The following BTBD9 variants were observed in gnomAD, a reference collection of about 807,000 sequenced individuals.
BTBD9 encodes the protein BTB/POZ domain-containing protein 9.
Under a neutral mutation model 64.3 loss-of-function variants are expected in BTBD9, and 49 were observed. The observed-to-expected ratio is 0.76, with a 90% CI of 0.61 to 0.97. The LOEUF (loss-of-function observed/expected upper bound fraction) is 0.97. Ranked by LOEUF, BTBD9 falls within the 50% of genes least tolerant of loss-of-function variation. BTBD9 has a pLI of 0.00. For missense variants in BTBD9, 598 were observed against 762.1 expected, an observed-to-expected ratio of 0.78 and a Z score of 2.53; for synonymous variants, 260 against 274.7, an observed-to-expected ratio of 0.95 and a Z score of 0.53.
chr6:38,534,474 T>TG (rs1185935960), intron 6 of BTBD9, among the ~76,000 whole-genome samples: 3 of 97,350 alleles, frequency 3.1e-5, no homozygotes, highest in Non-Finnish European at 6.2e-5. Context: ...CTCAAACTGT[T>TG]CAAAAAAAAA....
rs115444606 is a variant in BTBD9, at chr6:38,294,060, A to G, written c.1265-5599T>C. Among the ~76,000 whole-genome samples, 221 of 152,282 alleles carry G rather than the reference A, an allele frequency of 1.5e-3. 1 individual carries two copies. Among genetic ancestry groups the G allele is most frequent in the Admixed American group, 3.9e-3 (59 of 15,300 alleles). ...AGAAGACATTTATGCCAACAAACGT[A>G]TGAAAAAAAGCTCAACATCACTGGC... On this transcript the variant is annotated intron_variant, in intron 7 of 10. Transcript: ENST00000481247.
At chr6:38,590,722 AT>A (rs988687735) in intron 4 of BTBD9, among the ~76,000 whole-genome samples, 9 of 152,202 alleles carry the variant, frequency 5.9e-5, no homozygotes, top group African/African-American at 2.2e-4. Flanking sequence ...TAGTGTTCAA[AT>A]TTTTAAATTT....
chr6:38,396,757 AC>A (rs1285310044), intron 6 of BTBD9, among the ~76,000 whole-genome samples: 1 of 152,182 alleles, frequency 6.6e-6, no homozygotes, highest in African/African-American at 2.4e-5. Flanking sequence ...TAAAATACAC[AC>A]TGGATTTTGA....
At chr6:38,390,095 C>T (rs530225298) in intron 6 of BTBD9, among the ~76,000 whole-genome samples, 11 of 152,270 alleles carry the variant, frequency 7.2e-5, no homozygotes, top group Admixed American at 3.9e-4. Context: ...CTGCTGGTGC[C>T]GTCACATATC....
At chr6:38,353,999 C>CT (rs981675398) in intron 6 of BTBD9, among the ~76,000 whole-genome samples, 14 of 151,678 alleles carry the variant, frequency 9.2e-5, no homozygotes, top group South Asian at 2.1e-4. Context: ...TGTTTTTCTC[C>CT]TTTTTTTTTC....
At chr6:38,556,544 TGTGTGTGAGAGAGA>T (rs1297917299) in intron 6 of BTBD9, among the ~76,000 whole-genome samples, 223 of 63,254 alleles carry the variant, frequency 3.5e-3, no homozygotes, top group South Asian at 3.8e-3. Context: ...TGTGTGTGTG[TGTGTGTGAGAGAGA>T]GAGAGAGAGA....
At chr6:38,211,019 C>A (rs1047651400) in intron 9 of BTBD9, among the ~76,000 whole-genome samples, 2 of 152,292 alleles carry the variant, frequency 1.3e-5, no homozygotes, top group African/African-American at 4.8e-5. Context: ...GGTATCAGAG[C>A]CTTTGTTGGT....
At chr6:38,250,679 G>A (rs559017865) in intron 9 of BTBD9, among the ~76,000 whole-genome samples, 11 of 152,326 alleles carry the variant, frequency 7.2e-5, no homozygotes, top group African/African-American at 2.6e-4. Context: ...CAGAAGATGA[G>A]AAGTAGAATG....
chr6:38,425,794 A>T (rs1768116532), intron 6 of BTBD9, among the ~76,000 whole-genome samples: 1 of 151,148 alleles, frequency 6.6e-6, no homozygotes, highest in Admixed American at 6.6e-5. Context: ...GTGTGTGCCT[A>T]TAGTCTCAGC....
intron 6 of BTBD9, among the ~76,000 whole-genome samples, chr6:38,386,629 TC>T (rs1347510126): frequency 2.7e-4 from 35 of 129,734 alleles, no homozygotes; most frequent in African/African-American, 9.6e-4. Context: ...TCCAGTTTAC[TC>T]TTTTTTTTTT....
chr6:38,349,890 C>T (rs1056672963), intron 6 of BTBD9, among the ~76,000 whole-genome samples: 6 of 152,192 alleles, frequency 3.9e-5, no homozygotes, highest in Admixed American at 3.9e-4. Context: ...AGCTCTGTGG[C>T]ACTTCTCGCT....
intron 10 of BTBD9, among the ~76,000 whole-genome samples, chr6:38,177,028 C>T (rs991906473): frequency 9.2e-5 from 14 of 152,194 alleles, no homozygotes; most frequent in Admixed American, 3.9e-4. Flanking sequence ...TCTGTTCCCA[C>T]GCCCACACGC....
At chr6:38,487,679 AGAAAG>A (rs1468306199) in intron 6 of BTBD9, among the ~76,000 whole-genome samples, 2 of 145,942 alleles carry the variant, frequency 1.4e-5, no homozygotes, top group African/African-American at 5.1e-5. Context: ...AGAAAAGAGA[AGAAAG>A]GAAAAGAAAA....
intron 6 of BTBD9, among the ~76,000 whole-genome samples, chr6:38,549,411 G>A (rs1463681532): frequency 6.6e-6 from 1 of 152,148 alleles, no homozygotes; most frequent in African/African-American, 2.4e-5. Context: ...TCTCTAAACT[G>A]AGAGCCCTGG....
chr6:38,468,239 A>G (rs1262748333), intron 6 of BTBD9, among the ~76,000 whole-genome samples: 1 of 152,206 alleles, frequency 6.6e-6, no homozygotes, highest in Admixed American at 6.5e-5. Context: ...TTCAGTCTTC[A>G]AGATCAACTA....
In BTBD9 at chr6:38,274,313, C is replaced by T. The variant is rs577332605; in HGVS notation, c.1454+13959G>A. Among the ~76,000 whole-genome samples, 24 of 152,288 alleles carry T rather than the reference C, an allele frequency of 1.6e-4. 1 individual carries two copies. The South Asian group carries it at 4.6e-3, about 29-fold the overall frequency. ...ATGGGATTTTCTAGATATACAATCA[C>T]ATCATCTGCAAACAGGGACAATTTG... On this transcript the variant is annotated intron_variant, in intron 8 of 10. Transcript: ENST00000481247.
At chr6:38,303,917 A>G (rs567599924) in intron 7 of BTBD9, among the ~76,000 whole-genome samples, 180 of 136,072 alleles carry the variant, frequency 1.3e-3, no homozygotes, top group Admixed American at 3.2e-3. Flanking sequence ...ATATATGTGT[A>G]TATATATATA....
chr6:38,500,171 A>T (rs1239330591), intron 6 of BTBD9, among the ~76,000 whole-genome samples: 2 of 151,848 alleles, frequency 1.3e-5, no homozygotes, highest in Non-Finnish European at 2.9e-5. Flanking sequence ...CAGGCCCTTA[A>T]TGAGGTCTCC....
At chr6:38,389,941 C>T (rs1206767113) in intron 6 of BTBD9, among the ~76,000 whole-genome samples, 5 of 152,170 alleles carry the variant, frequency 3.3e-5, no homozygotes, top group Non-Finnish European at 7.3e-5. Context: ...TTCTTCCTTT[C>T]TCTCTCCGTA....
Sources: allele counts gnomAD v4.1 joint callset (sites outside exome capture counted in the v4.1 genomes callset), GRCh38; gene constraint gnomAD v4.1.1; transcripts MANE v1.5; gene names NCBI Gene and HGNC (gene_info 2026-07-23, HGNC 2026-07-21).